LRBA: variants seen among roughly 807,000 people sequenced by gnomAD.
LRBA encodes the protein LPS responsive beige-like anchor protein.
LRBA carries 176 observed loss-of-function variants against 330.0 expected under a neutral mutation model. The ratio of observed to expected loss-of-function variants is 0.53; its 90% confidence interval spans 0.47 to 0.60. The LOEUF is 0.60. Among genes scored for constraint, LRBA ranks in the 20% least tolerant of loss-of-function variants. The probability of loss-of-function intolerance (pLI) is 0.00; values close to 1 mark genes in which losing one functional copy is unlikely to be tolerated. For synonymous variants in LRBA, 1,230 were observed against 1,193.0 expected (o/e 1.03, Z -0.64); for missense variants, 3,259 against 3,444.8 (o/e 0.95, Z 1.35).
At chr4:150,764,079 A>G (rs1735442176) in intron 34 of LRBA, among the ~76,000 whole-genome samples, 1 of 152,070 alleles carries the variant, frequency 6.6e-6, no homozygotes, top group African/African-American at 2.4e-5. Context: ...GTTTTCACTT[A>G]GATCATTTAA....
chr4:150,512,717 G>GAAAAA (rs370203536), intron 40 of LRBA, among the ~76,000 whole-genome samples: 1 of 100,662 alleles, frequency 9.9e-6, no homozygotes. Flanking sequence ...TGCTTTTTGA[G>GAAAAA]AAAAAAAAAA....
intron 37 of LRBA, among the ~76,000 whole-genome samples, chr4:150,662,817 A>G (rs1781239866): frequency 6.6e-6 from 1 of 152,016 alleles, no homozygotes; most frequent in South Asian, 2.1e-4. Context: ...AAAATTAAAA[A>G]ATTAGCCATG....
intron 36 of LRBA, among the ~76,000 whole-genome samples, chr4:150,707,841 G>A (rs1345641609): frequency 2.0e-5 from 3 of 151,540 alleles, no homozygotes; most frequent in African/African-American, 7.3e-5. Flanking sequence ...ATAGTGAGAA[G>A]CTGCAACATA....
intron 40 of LRBA, among the ~76,000 whole-genome samples, chr4:150,505,561 T>C (rs191143756): frequency 3.9e-5 from 6 of 152,106 alleles, no homozygotes; most frequent in Admixed American, 6.6e-5. Flanking sequence ...TACCAGAATC[T>C]CTAGGACACA....
chr4:150,862,538 G>A (rs913816886), intron 22 of LRBA, among the ~76,000 whole-genome samples: 7 of 152,204 alleles, frequency 4.6e-5, no homozygotes, highest in Middle Eastern at 3.4e-3. Flanking sequence ...ATGGGGTGGG[G>A]GAGAGGGAAG....
chr4:150,711,376 C>T (rs538715673), intron 36 of LRBA, among the ~76,000 whole-genome samples: 12 of 151,936 alleles, frequency 7.9e-5, no homozygotes, highest in Non-Finnish European at 1.3e-4. Context: ...GCTGGAACTA[C>T]AGGTGTGCAC....
intron 30 of LRBA, among the ~76,000 whole-genome samples, chr4:150,826,840 G>T (rs937499697): frequency 6.6e-6 from 1 of 152,158 alleles, no homozygotes; most frequent in Non-Finnish European, 1.5e-5. Context: ...ACAGAACATC[G>T]TGAAAGTCTA....
intron 2 of LRBA, among the ~76,000 whole-genome samples, chr4:150,995,742 C>T (rs1005190754): frequency 5.3e-5 from 8 of 152,066 alleles, no homozygotes; most frequent in Non-Finnish European, 8.8e-5. Context: ...GAAGAAATGA[C>T]GACCAAGAAC....
At chr4:150,503,356 T>G (rs990197814) in intron 40 of LRBA, among the ~76,000 whole-genome samples, 1 of 152,102 alleles carries the variant, frequency 6.6e-6, no homozygotes. Flanking sequence ...GAGACAAAAC[T>G]TCCAGAGGAA....
chr4:150,602,696 C>T (rs1170712389), intron 37 of LRBA, among the ~76,000 whole-genome samples: 1 of 152,104 alleles, frequency 6.6e-6, no homozygotes, highest in Non-Finnish European at 1.5e-5. Flanking sequence ...TTCCCTACCC[C>T]GTCCCTTCCT....
chr4:150,335,314 T>C (rs908517354), intron 48 of LRBA, among the ~76,000 whole-genome samples: 1 of 151,752 alleles, frequency 6.6e-6, no homozygotes, highest in Non-Finnish European at 1.5e-5. Flanking sequence ...AACTAGTTCA[T>C]AATATACCAA....
chr4:150,582,641 C>CCT (rs1338379272), intron 40 of LRBA: 1 of 181,742 alleles, frequency 5.5e-6, no homozygotes, highest in Admixed American at 5.5e-5. Context: ...ATCTCGGCTG[C>CCT]AGACATCTAA....
At chr4:150,917,162 A>ATAT (rs200452588) in intron 5 of LRBA, among the ~76,000 whole-genome samples, 8 of 151,692 alleles carry the variant, frequency 5.3e-5, no homozygotes, top group African/African-American at 1.7e-4. Context: ...CAAAAAAAAA[A>ATAT]ATATATATAT....
chr4:150,514,800 T>C (rs559617339), intron 40 of LRBA, among the ~76,000 whole-genome samples: 4 of 152,252 alleles, frequency 2.6e-5, no homozygotes, highest in Non-Finnish European at 5.9e-5. Flanking sequence ...CTTCCATTTC[T>C]TCTTATTGCG....
intron 37 of LRBA, among the ~76,000 whole-genome samples, chr4:150,671,501 T>A (rs1346109639): frequency 6.6e-6 from 1 of 152,186 alleles, no homozygotes; most frequent in Non-Finnish European, 1.5e-5. Flanking sequence ...AGTACTAGAT[T>A]TTGTTCTGAT....
chr4:150,705,637 C>G (rs1785543380), intron 36 of LRBA, among the ~76,000 whole-genome samples: 1 of 151,866 alleles, frequency 6.6e-6, no homozygotes, highest in African/African-American at 2.4e-5. Context: ...AAAGAAAAAA[C>G]TAAGACCAAA....
chr4:150,422,784 TG>T, intron 46 of LRBA: 3 of 1,446,426 alleles, frequency 2.1e-6, no homozygotes, highest in African/African-American at 1.4e-5. Flanking sequence ...CTGTTCTTTC[TG>T]GTAGACCTGC....
chr4:150,978,552 T>C (rs894921719), intron 2 of LRBA, among the ~76,000 whole-genome samples: 7 of 151,990 alleles, frequency 4.6e-5, no homozygotes, highest in Non-Finnish European at 1.0e-4. Context: ...CAGAGACCAA[T>C]CCTGGAGAAA....
At chr4:150,574,776 G>T (rs1394549369) in intron 40 of LRBA, among the ~76,000 whole-genome samples, 1 of 151,946 alleles carries the variant, frequency 6.6e-6, no homozygotes, top group African/African-American at 2.4e-5. Context: ...ACAAATATTA[G>T]AAATAGAAGG....
Sources: allele counts gnomAD v4.1 joint callset (sites outside exome capture counted in the v4.1 genomes callset), GRCh38; gene constraint gnomAD v4.1.1; transcripts MANE v1.5; gene names NCBI Gene and HGNC (gene_info 2026-07-23, HGNC 2026-07-21).